The following DLG2 variants were observed in gnomAD, a reference collection of about 807,000 sequenced individuals.
DLG2 encodes the protein discs large MAGUK scaffold protein 2.
A neutral mutation model predicts 132.5 loss-of-function variants in DLG2; 45 were observed. That is an observed-to-expected ratio of 0.34 (90% CI 0.27 to 0.44). The LOEUF (loss-of-function observed/expected upper bound fraction) is 0.44. Among genes scored for constraint, DLG2 ranks in the 20% least tolerant of loss-of-function variants. The pLI is 1.00. For missense variants in DLG2, 1,045 were observed against 1,196.9 expected (o/e 0.87, Z 1.87); for synonymous variants, 424 against 419.6 (o/e 1.01, Z -0.13).
In DLG2 at chr11:85,231,358, T is replaced by C. The variant is rs529348820; in HGVS notation, c.186+53862A>G. On this transcript the variant is annotated intron_variant, in intron 4 of 27. Transcript: ENST00000376104. ...TGTTAAGCCCATTCAGTTAACTTTTTATATCAAGTATTGTACTTTTAAGAT... is the reference window on the plus strand; with the variant it reads ...TGTTAAGCCCATTCAGTTAACTTTTCATATCAAGTATTGTACTTTTAAGAT... Among the ~76,000 whole-genome samples, 78 of 152,138 alleles carry C rather than the reference T, an allele frequency of 5.1e-4. 2 individuals are homozygous for C. Among genetic ancestry groups the C allele is most frequent in the Non-Finnish European group, 1.6e-4 (11 of 67,946 alleles).
intron 3 of DLG2, among the ~76,000 whole-genome samples, chr11:85,429,535 A>G (rs891385878): frequency 1.3e-5 from 2 of 152,174 alleles, no homozygotes; most frequent in Non-Finnish European, 2.9e-5. Flanking sequence ...ACCCCACCAA[A>G]AAGTGGGCAA....
chr11:85,446,668 C>T (rs1375234247), intron 3 of DLG2, among the ~76,000 whole-genome samples: 2 of 151,882 alleles, frequency 1.3e-5, no homozygotes, highest in Non-Finnish European at 2.9e-5. Context: ...AATTATGTAG[C>T]GTGAATCATA....
intron 10 of DLG2, among the ~76,000 whole-genome samples, chr11:84,085,376 T>C (rs1476220985): frequency 6.6e-6 from 1 of 152,102 alleles, no homozygotes; most frequent in Non-Finnish European, 1.5e-5. Context: ...CTATTAGAAA[T>C]AAATAAAAAC....
chr11:83,868,838 G>A lies in DLG2; in HGVS notation c.1565+5582C>T, dbSNP rs550829539. ...CTTAGCACTACTTTTGAAGGTCAGG[G>A]TGTGCTGAAGGAAGTTGAGCATTCA... On this transcript the variant is annotated intron_variant, in intron 16 of 27. Transcript: ENST00000376104. Among the ~76,000 whole-genome samples, 8 of 152,234 alleles carry A rather than the reference G, an allele frequency of 5.3e-5. No individual in the cohort carries two copies. The East Asian group carries it at 1.5e-3, about 29-fold the overall frequency.
chr11:84,110,639 T>C (rs1338468226), intron 9 of DLG2, among the ~76,000 whole-genome samples: 1 of 152,208 alleles, frequency 6.6e-6, no homozygotes, highest in African/African-American at 2.4e-5. Context: ...GTATCCTTCA[T>C]TGCTTTTCTC....
At position 85,455,417 on chromosome 11, in the gene DLG2, T is replaced by A. The variant is rs1449363960; in HGVS notation, c.40+143240A>T. 2.6e-5 allele frequency among the ~76,000 whole-genome samples: 4 copies of A among 152,320 alleles called. No homozygotes were observed. In the South Asian group the frequency reaches 8.3e-4, roughly 32 times the overall value. On this transcript the variant is annotated intron_variant, in intron 3 of 27. Transcript: ENST00000376104. ...GAAGTTGTTTATCAGATCAAGAAGC[T>A]TTTAGGCAGAGACTATAGAGTTTGC...
intron 5 of DLG2, among the ~76,000 whole-genome samples, chr11:85,122,759 T>C (rs1352430968): frequency 1.3e-5 from 2 of 151,146 alleles, no homozygotes; most frequent in Non-Finnish European, 2.9e-5. Flanking sequence ...AAGGGAGCAG[T>C]AGGGGACAGG....
chr11:84,602,696 T>C (rs1446842119), intron 6 of DLG2, among the ~76,000 whole-genome samples: 2 of 151,976 alleles, frequency 1.3e-5, no homozygotes, highest in African/African-American at 4.8e-5. Context: ...AGTGATCACC[T>C]TGGGGCTCTG....
chr11:83,587,967 C>T (rs550118548), intron 19 of DLG2, among the ~76,000 whole-genome samples: 1 of 152,324 alleles, frequency 6.6e-6, no homozygotes, highest in South Asian at 2.1e-4. Context: ...GAGATTATAT[C>T]CCGCACCTGG....
At chr11:84,359,172 T>A (rs1179201779) in intron 7 of DLG2, among the ~76,000 whole-genome samples, 1 of 151,900 alleles carries the variant, frequency 6.6e-6, no homozygotes, top group Non-Finnish European at 1.5e-5. Flanking sequence ...AAACATATTC[T>A]TTTTCTGGAG....
intron 18 of DLG2, chr11:83,693,153 T>C (rs570658092): frequency 5.9e-5 from 9 of 152,250 alleles, no homozygotes; most frequent in East Asian, 1.9e-4. Context: ...TAACATATTA[T>C]TGTTAGTTTT....
At chr11:84,790,305 T>C (rs2073627043) in intron 6 of DLG2, among the ~76,000 whole-genome samples, 1 of 152,216 alleles carries the variant, frequency 6.6e-6, no homozygotes, top group South Asian at 2.1e-4. Flanking sequence ...GATATCTCAT[T>C]GTAGTTTTGA....
chr11:84,324,458 A>G, intron 7 of DLG2, among the ~76,000 whole-genome samples: 1 of 152,052 alleles, frequency 6.6e-6, no homozygotes, highest in Non-Finnish European at 1.5e-5. Context: ...GCTTTGTAAT[A>G]TATTTTTAAA....
At chr11:84,016,038 G>T (rs1380577857) in intron 11 of DLG2, among the ~76,000 whole-genome samples, 2 of 152,080 alleles carry the variant, frequency 1.3e-5, no homozygotes, top group African/African-American at 4.8e-5. Flanking sequence ...AGCCTCATCA[G>T]CAGCTGTTGT....
chr11:85,250,391 T>TA (rs2076340129), intron 4 of DLG2, among the ~76,000 whole-genome samples: 1 of 152,202 alleles, frequency 6.6e-6, no homozygotes, highest in Non-Finnish European at 1.5e-5. Context: ...TTTAGCATAT[T>TA]ATCATAGTAG....
At chr11:84,023,152 A>T (rs1029247730) in intron 11 of DLG2, among the ~76,000 whole-genome samples, 12 of 152,308 alleles carry the variant, frequency 7.9e-5, no homozygotes, top group African/African-American at 2.6e-4. Flanking sequence ...AATTATAAAT[A>T]GTCTGCCAAA....
At chr11:83,565,693 A>G (rs1163214264) in intron 19 of DLG2, among the ~76,000 whole-genome samples, 1 of 152,218 alleles carries the variant, frequency 6.6e-6, no homozygotes, top group East Asian at 1.9e-4. Context: ...AGAAGGGTAT[A>G]TGATATGCAG....
intron 9 of DLG2, among the ~76,000 whole-genome samples, chr11:84,101,977 G>C (rs2092564257): frequency 6.6e-6 from 1 of 152,146 alleles, no homozygotes; most frequent in African/African-American, 2.4e-5. Flanking sequence ...ACAATGAAGT[G>C]AACTGCAGGC....
intron 18 of DLG2, among the ~76,000 whole-genome samples, chr11:83,662,937 T>C (rs2074694084): frequency 6.6e-6 from 1 of 152,194 alleles, no homozygotes; most frequent in East Asian, 1.9e-4. Context: ...TGTTGGTCTC[T>C]AGCTTCAGGG....
Sources: gnomAD v4.1 joint callset for allele counts (sites outside exome capture counted in the v4.1 genomes callset) on GRCh38, gnomAD v4.1.1 for gene constraint, MANE v1.5 for transcripts, NCBI Gene and HGNC (gene_info 2026-07-23, HGNC 2026-07-21) for gene names.